Variants in CHST11 observed in about 807,000 individuals in gnomAD.
The protein encoded by CHST11 is C4S-1.
A neutral mutation model predicts 30.4 loss-of-function variants in CHST11; 9 were observed. The observed-to-expected ratio is 0.30, with a 90% CI of 0.18 to 0.52. The LOEUF (loss-of-function observed/expected upper bound fraction) is 0.52, where lower values mean the gene tolerates loss of function less well. Among genes scored for constraint, CHST11 ranks in the 20% least tolerant of loss-of-function variants. CHST11 has a pLI of 0.97. For missense variants in CHST11, 348 were observed against 460.6 expected (o/e 0.76, Z 2.24); for synonymous variants, 152 against 187.8 (o/e 0.81, Z 1.56).
intron 1 of CHST11, among the ~76,000 whole-genome samples, chr12:104,596,865 C>T (rs1304668687): frequency 6.6e-6 from 1 of 152,092 alleles, no homozygotes; most frequent in Non-Finnish European, 1.5e-5. Context: ...GTAAGGTCTC[C>T]GAGTTTCTTC....
chr12:104,708,892 T>C (rs951057527), intron 2 of CHST11, among the ~76,000 whole-genome samples: 1 of 152,182 alleles, frequency 6.6e-6, no homozygotes, highest in Non-Finnish European at 1.5e-5. Flanking sequence ...GAAAAGTGTG[T>C]CATTTTCACC....
chr12:104,586,180 A>G (rs1371447031), intron 1 of CHST11, among the ~76,000 whole-genome samples: 2 of 152,188 alleles, frequency 1.3e-5, no homozygotes, highest in Admixed American at 1.3e-4. Flanking sequence ...TGTGCAGTCC[A>G]CTGTACCATG....
At chr12:104,488,543 GTGTGCGTGTA>G (rs2037709099) in intron 1 of CHST11, among the ~76,000 whole-genome samples, 2 of 151,208 alleles carry the variant, frequency 1.3e-5, no homozygotes, top group African/African-American at 4.9e-5. Context: ...ATGTGTGTAT[GTGTGCGTGTA>G]TGTGTGTGTA....
intron 2 of CHST11, among the ~76,000 whole-genome samples, chr12:104,616,669 T>G (rs2039111025): frequency 6.6e-6 from 1 of 152,308 alleles, no homozygotes; most frequent in African/African-American, 2.4e-5. Context: ...TTTCACCACA[T>G]TGGCCAGGAT....
At chr12:104,692,636 T>C (rs1026068603) in intron 2 of CHST11, among the ~76,000 whole-genome samples, 1 of 151,982 alleles carries the variant, frequency 6.6e-6, no homozygotes, top group Non-Finnish European at 1.5e-5. Flanking sequence ...TCCCTGGCCT[T>C]TTAGGAACCA....
chr12:104,741,767 A>G (rs1188817844), intron 2 of CHST11, among the ~76,000 whole-genome samples: 2 of 152,184 alleles, frequency 1.3e-5, no homozygotes, highest in Non-Finnish European at 2.9e-5. Flanking sequence ...GCGACGCTCA[A>G]TCATCAGTTC....
chr12:104,497,952 T>A (rs1337315614), intron 1 of CHST11, among the ~76,000 whole-genome samples: 3 of 138,144 alleles, frequency 2.2e-5, no homozygotes, highest in Non-Finnish European at 4.6e-5. Flanking sequence ...AGTCTCACTC[T>A]GTTGTCACCC....
chr12:104,468,129 C>T (rs895267130), intron 1 of CHST11, among the ~76,000 whole-genome samples: 6 of 132,292 alleles, frequency 4.5e-5, no homozygotes, highest in East Asian at 2.2e-4. Context: ...CTACGGGAGG[C>T]GGGGAAGCAA....
chr12:104,602,041 A>G (rs377431751), intron 2 of CHST11, 50 bp downstream of exon 2: 108 of 1,320,604 alleles, frequency 8.2e-5, no homozygotes, highest in Non-Finnish European at 1.1e-4. Flanking sequence ...TTTTGTAGGT[A>G]TGGATACTAA....
At chr12:104,510,008 C>T (rs1346020626) in intron 1 of CHST11, among the ~76,000 whole-genome samples, 10 of 152,166 alleles carry the variant, frequency 6.6e-5, no homozygotes, top group Admixed American at 2.6e-4. Context: ...TTCAAGGCCA[C>T]GGTGAAGGTC....
intron 2 of CHST11, among the ~76,000 whole-genome samples, chr12:104,702,915 G>A (rs1012288376): frequency 6.6e-5 from 10 of 152,216 alleles, no homozygotes; most frequent in Admixed American, 1.3e-4. Flanking sequence ...TGGAGTCCAA[G>A]TCCTCCTCAT....
chr12:104,631,217 C>G (rs534419961), intron 2 of CHST11, among the ~76,000 whole-genome samples: 3 of 152,204 alleles, frequency 2.0e-5, no homozygotes, highest in Non-Finnish European at 4.4e-5. Flanking sequence ...AATGGTGCAG[C>G]TTCTTTCTTT....
chr12:104,559,911 A>G (rs2136015730), intron 1 of CHST11, among the ~76,000 whole-genome samples: 1 of 152,354 alleles, frequency 6.6e-6, no homozygotes, highest in East Asian at 1.9e-4. Context: ...TTTTAAAAGT[A>G]GTGGAGAAAA....
At chr12:104,711,576 G>A (rs1340627890) in intron 2 of CHST11, among the ~76,000 whole-genome samples, 5 of 152,150 alleles carry the variant, frequency 3.3e-5, no homozygotes, top group Admixed American at 3.3e-4. Context: ...GATGGCAGGA[G>A]TGGGAAGTGA....
intron 2 of CHST11, among the ~76,000 whole-genome samples, chr12:104,671,173 G>A (rs1025176657): frequency 6.6e-6 from 1 of 152,188 alleles, no homozygotes; most frequent in East Asian, 1.9e-4. Context: ...CTGACAGCTA[G>A]TCTGCTGGCC....
chr12:104,524,300 G>A (rs2038102243), intron 1 of CHST11, among the ~76,000 whole-genome samples: 1 of 152,114 alleles, frequency 6.6e-6, no homozygotes, highest in South Asian at 2.1e-4. Flanking sequence ...ACAGTTGCTA[G>A]CATTTGTTTG....
chr12:104,515,341 C>T (rs1213046552), intron 1 of CHST11, among the ~76,000 whole-genome samples: 1 of 152,156 alleles, frequency 6.6e-6, no homozygotes, highest in African/African-American at 2.4e-5. Context: ...TGGCCCTTTA[C>T]AGGAAAAAAT....
chr12:104,626,045 C>T (rs1165563662), intron 2 of CHST11, among the ~76,000 whole-genome samples: 2 of 152,174 alleles, frequency 1.3e-5, no homozygotes, highest in Non-Finnish European at 2.9e-5. Context: ...CAGTGAGGTT[C>T]TGTGGCTCTT....
At chr12:104,634,315 A>G (rs2039301717) in intron 2 of CHST11, among the ~76,000 whole-genome samples, 1 of 152,188 alleles carries the variant, frequency 6.6e-6, no homozygotes, top group African/African-American at 2.4e-5. Flanking sequence ...CCATTTGGCC[A>G]TCTAGGCTCT....
Sources: allele counts gnomAD v4.1 joint callset (sites outside exome capture counted in the v4.1 genomes callset), GRCh38; gene constraint gnomAD v4.1.1; transcripts MANE v1.5; gene names NCBI Gene and HGNC (gene_info 2026-07-23, HGNC 2026-07-21).